Variants in THSD7B observed in about 807,000 individuals in gnomAD.
The protein encoded by THSD7B is thrombospondin type 1 domain containing 7B, also known as thrombospondin type-1 domain-containing protein 7B.
A neutral mutation model predicts 213.6 loss-of-function variants in THSD7B; 138 were observed. The observed-to-expected ratio is 0.65, with a 90% CI of 0.56 to 0.74. The LOEUF (loss-of-function observed/expected upper bound fraction) is 0.74, where lower values mean the gene tolerates loss of function less well. THSD7B is among the 30% of genes least tolerant of loss of function. The pLI, the probability that THSD7B is intolerant of heterozygous loss-of-function variation, is 0.00. For synonymous variants in THSD7B, 742 were observed against 687.0 expected, an observed-to-expected ratio of 1.08 and a Z score of -1.25; for missense variants, 1,931 against 1,991.5, an observed-to-expected ratio of 0.97 and a Z score of 0.58.
chr2:137,586,942 G>T (rs1204383945), intron 17 of THSD7B, among the ~76,000 whole-genome samples: 1 of 152,174 alleles, frequency 6.6e-6, no homozygotes, highest in Non-Finnish European at 1.5e-5. Flanking sequence ...TTCCAACTTG[G>T]TTCCATTCTC....
intron 2 of THSD7B, among the ~76,000 whole-genome samples, chr2:136,926,286 A>G (rs1467962632): frequency 6.6e-6 from 1 of 150,818 alleles, no homozygotes; most frequent in Non-Finnish European, 1.5e-5. Context: ...CTTTTTTTTT[A>G]TATTGGCTCT....
chr2:136,937,848 A>G, intron 2 of THSD7B, among the ~76,000 whole-genome samples: 1 of 152,164 alleles, frequency 6.6e-6, no homozygotes, highest in South Asian at 2.1e-4. Context: ...TGTTGAAGAA[A>G]TAGTTGAGTA....
chr2:137,245,943 A>G (rs1682022129), intron 10 of THSD7B, among the ~76,000 whole-genome samples: 1 of 152,148 alleles, frequency 6.6e-6, no homozygotes, highest in Non-Finnish European at 1.5e-5. Flanking sequence ...GGGGCCTGGA[A>G]TTGTATATTT....
chr2:137,123,259 C>T (rs888404486), intron 5 of THSD7B, among the ~76,000 whole-genome samples: 1 of 152,140 alleles, frequency 6.6e-6, no homozygotes, highest in East Asian at 1.9e-4. Flanking sequence ...ATGCTGCAAT[C>T]TGGAGGATAC....
intron 10 of THSD7B, 35 bp from the exon 11 acceptor site, chr2:137,272,498 G>A (rs1399441292): frequency 6.4e-7 from 1 of 1,571,524 alleles, no homozygotes; most frequent in South Asian, 1.2e-5. Flanking sequence ...CAACATAAAA[G>A]GGCACTATAT....
chr2:136,909,070 C>T (rs1232453665), intron 2 of THSD7B, among the ~76,000 whole-genome samples: 1 of 152,052 alleles, frequency 6.6e-6, no homozygotes, highest in Non-Finnish European at 1.5e-5. Context: ...GTAGTCCCAG[C>T]TACTAGGGAG....
chr2:137,519,250 C>CT (rs754553935), intron 15 of THSD7B, among the ~76,000 whole-genome samples: 2,861 of 81,010 alleles, frequency 0.035, 47 homozygotes, highest in Middle Eastern at 0.1. Context: ...GACTCCATCT[C>CT]AAAATAAATA....
At chr2:137,261,296 C>T (rs1407293976) in intron 10 of THSD7B, among the ~76,000 whole-genome samples, 1 of 152,116 alleles carries the variant, frequency 6.6e-6, no homozygotes, top group Non-Finnish European at 1.5e-5. Flanking sequence ...TGCTCAGTCT[C>T]AAAGGAAGTA....
intron 10 of THSD7B, among the ~76,000 whole-genome samples, chr2:137,253,727 T>C (rs1241507145): frequency 6.6e-6 from 1 of 152,222 alleles, no homozygotes; most frequent in Non-Finnish European, 1.5e-5. Flanking sequence ...TTAGCTTTGA[T>C]TTACCTGGGG....
chr2:137,379,055 C>T (rs1438864109), intron 12 of THSD7B, among the ~76,000 whole-genome samples: 1 of 152,150 alleles, frequency 6.6e-6, no homozygotes, highest in Admixed American at 6.5e-5. Flanking sequence ...GCTGGGAACG[C>T]AGAGGGCTAC....
chr2:136,813,656 G>A (rs1282599017), intron 1 of THSD7B, among the ~76,000 whole-genome samples: 1 of 151,660 alleles, frequency 6.6e-6, no homozygotes, highest in Non-Finnish European at 1.5e-5. Context: ...TTTTTTTCCA[G>A]TGAACTCTAC....
intron 15 of THSD7B, among the ~76,000 whole-genome samples, chr2:137,472,080 A>C (rs1688104637): frequency 6.6e-6 from 1 of 152,192 alleles, no homozygotes; most frequent in African/African-American, 2.4e-5. Context: ...TTGGAGTTTA[A>C]GGCCTTTGGT....
At chr2:137,371,455 T>A (rs1685534440) in intron 12 of THSD7B, among the ~76,000 whole-genome samples, 1 of 152,226 alleles carries the variant, frequency 6.6e-6, no homozygotes, top group Admixed American at 6.6e-5. Flanking sequence ...TGTGAGATCT[T>A]TGTCCTCATT....
intron 15 of THSD7B, among the ~76,000 whole-genome samples, chr2:137,530,581 T>C (rs1371123670): frequency 2.6e-5 from 4 of 151,930 alleles, no homozygotes; most frequent in Non-Finnish European, 4.4e-5. Context: ...ACAGCCTGTC[T>C]CGTTTAGAGA....
chr2:137,060,623 TTTCTC>T (rs1173511758), intron 3 of THSD7B, among the ~76,000 whole-genome samples: 1 of 152,068 alleles, frequency 6.6e-6, no homozygotes, highest in African/African-American at 2.4e-5. Flanking sequence ...AAGAATATCT[TTTCTC>T]TATTGAGTTA....
intron 15 of THSD7B, among the ~76,000 whole-genome samples, chr2:137,533,997 T>A (rs188081975): frequency 7.5e-6 from 1 of 133,654 alleles, no homozygotes; most frequent in Non-Finnish European, 1.6e-5. Context: ...CCCGTGCACA[T>A]GTATGTGTGT....
intron 2 of THSD7B, among the ~76,000 whole-genome samples, chr2:136,902,703 G>A (rs968329296): frequency 1.3e-5 from 2 of 152,220 alleles, no homozygotes; most frequent in African/African-American, 4.8e-5. Flanking sequence ...TGATTCAGAA[G>A]AGGGTTCTCA....
At chr2:137,477,215 C>T (rs1573648179) in intron 15 of THSD7B, among the ~76,000 whole-genome samples, 1 of 152,094 alleles carries the variant, frequency 6.6e-6, no homozygotes, top group East Asian at 1.9e-4. Flanking sequence ...TACATGTTTA[C>T]AATTATTATA....
intron 15 of THSD7B, among the ~76,000 whole-genome samples, chr2:137,473,749 C>T (rs1244884650): frequency 6.6e-6 from 1 of 152,206 alleles, no homozygotes; most frequent in Admixed American, 6.5e-5. Context: ...ACCCTCACTA[C>T]AAATGTCTGA....
Sources: gnomAD v4.1 joint callset for allele counts (sites outside exome capture counted in the v4.1 genomes callset) on GRCh38, gnomAD v4.1.1 for gene constraint, MANE v1.5 for transcripts, NCBI Gene and HGNC (gene_info 2026-07-23, HGNC 2026-07-21) for gene names.